The following SIDT1 variants were observed in gnomAD, a reference collection of about 807,000 sequenced individuals.
SIDT1 encodes SID1 transmembrane family member 1, also known as SID1 transmembrane family, member 1.
In SIDT1, 101 loss-of-function variants were observed where a neutral mutation model predicts 107.5. The ratio of observed to expected loss-of-function variants is 0.94; its 90% CI spans 0.80 to 1.11. The LOEUF is 1.11. SIDT1 is among the 50% of genes least tolerant of loss of function. The pLI, the probability that SIDT1 is intolerant of heterozygous loss-of-function variation, is 0.00. For synonymous variants in SIDT1, 395 were observed against 398.2 expected (o/e 0.99, Z 0.10); for missense variants, 1,076 against 1,058.2 (o/e 1.02, Z -0.23).
chr3:113,623,009 A>G (rs1946570148), intron 21 of SIDT1, among the ~76,000 whole-genome samples: 1 of 151,902 alleles, frequency 6.6e-6, no homozygotes, highest in South Asian at 2.1e-4. Context: ...GCAACATAGC[A>G]AGACCCTGCC....
chr3:113,611,193 G>A, intron 18 of SIDT1, 49 bp downstream of exon 18: 1 of 1,590,694 alleles, frequency 6.3e-7, no homozygotes. Context: ...TGCCCCCCTA[G>A]GTCCAATAAA....
At chr3:113,562,160 C>T (rs532706782) in intron 1 of SIDT1, among the ~76,000 whole-genome samples, 12 of 152,050 alleles carry the variant, frequency 7.9e-5, no homozygotes, top group Non-Finnish European at 1.6e-4. Context: ...TGAGATGCAA[C>T]TTTACACCCA....
chr3:113,606,998 C>T (rs373970717), intron 14 of SIDT1, 43 bp from the exon 15 acceptor site: 56 of 1,270,836 alleles, frequency 4.4e-5, no homozygotes, highest in Middle Eastern at 1.9e-4. Context: ...GCTCAGAGGA[C>T]GGAGGAAAAC....
intron 12 of SIDT1, 105 bp downstream of exon 12, chr3:113,603,255 A>AC: frequency 4.1e-6 from 5 of 1,220,814 alleles, no homozygotes; most frequent in Non-Finnish European, 5.7e-6. Flanking sequence ...CTTCAGGGAA[A>AC]CCCAAATTTC....
chr3:113,539,729 G>A (rs1938587167), intron 1 of SIDT1, among the ~76,000 whole-genome samples: 1 of 152,110 alleles, frequency 6.6e-6, no homozygotes, highest in Admixed American at 6.6e-5. Context: ...CTTTGAGGTT[G>A]GGTAATTTAT....
At position 113,534,086 on chromosome 3, in the gene SIDT1, A is replaced by T. The variant is rs72950829; in HGVS notation, c.222+843A>T. ...GAGAGAGAGGGAGACAGAGAGAGAAAGAGAGAAAGAGAGACAGAGACAGAG... is the reference window on the plus strand; with the variant it reads ...GAGAGAGAGGGAGACAGAGAGAGAATGAGAGAAAGAGAGACAGAGACAGAG... On this transcript the variant is annotated intron_variant, in intron 1 of 24. Transcript: ENST00000264852. 1.1e-3 allele frequency among the ~76,000 whole-genome samples: 164 copies of T among 152,246 alleles called. 2 individuals carry two copies. Among genetic ancestry groups the T allele is most frequent in the African/African-American group, 3.5e-3 (146 of 41,526 alleles).
intron 11 of SIDT1, chr3:113,602,678 T>A (rs183248653): frequency 3.0e-5 from 6 of 199,026 alleles, no homozygotes; most frequent in Non-Finnish European, 2.0e-5. Flanking sequence ...TTTGTATATA[T>A]TTATGTTCAT....
intron 10 of SIDT1, among the ~76,000 whole-genome samples, chr3:113,597,369 T>C (rs1454940246): frequency 2.6e-5 from 4 of 152,012 alleles, no homozygotes; most frequent in East Asian, 1.9e-4. Flanking sequence ...TGGTGGCATG[T>C]ACCTGTAGTC....
intron 7 of SIDT1, among the ~76,000 whole-genome samples, chr3:113,583,825 C>G (rs1943545324): frequency 6.6e-6 from 1 of 152,184 alleles, no homozygotes; most frequent in Admixed American, 6.5e-5. Context: ...ACACAGCGAT[C>G]AAAGTCCATT....
chr3:113,578,389 C>T (rs1943078085), intron 4 of SIDT1, among the ~76,000 whole-genome samples: 1 of 151,544 alleles, frequency 6.6e-6, no homozygotes, highest in Admixed American at 6.6e-5. Context: ...ATGGCGTGAA[C>T]CCGGGAGGCG....
At chr3:113,543,270 C>T (rs1939157525) in intron 1 of SIDT1, among the ~76,000 whole-genome samples, 1 of 152,056 alleles carries the variant, frequency 6.6e-6, no homozygotes, top group South Asian at 2.1e-4. Context: ...ATTCATGAGG[C>T]CAACACTGTT....
At chr3:113,551,345 C>T (rs1049342520) in intron 1 of SIDT1, among the ~76,000 whole-genome samples, 8 of 152,136 alleles carry the variant, frequency 5.3e-5, no homozygotes, top group Non-Finnish European at 1.2e-4. Flanking sequence ...TTAAATCTCC[C>T]AATCTCTTCC....
intron 1 of SIDT1, among the ~76,000 whole-genome samples, chr3:113,536,270 A>G (rs1938148239): frequency 6.6e-6 from 1 of 152,184 alleles, no homozygotes; most frequent in Non-Finnish European, 1.5e-5. Context: ...ACTCACTAAG[A>G]GGCTCTGTTA....
At chr3:113,604,999 C>A in intron 14 of SIDT1, 23 bp downstream of exon 14, 2 of 1,613,014 alleles carry the variant, frequency 1.2e-6, no homozygotes, top group Non-Finnish European at 1.7e-6. Flanking sequence ...CCAGCCCCAG[C>A]CCCAGAGTCC....
chr3:113,542,311 T>G (rs1390892338), intron 1 of SIDT1, among the ~76,000 whole-genome samples: 1 of 152,098 alleles, frequency 6.6e-6, no homozygotes, highest in Non-Finnish European at 1.5e-5. Context: ...TTTCTTAGAG[T>G]TTTTAGTATT....
At chr3:113,590,534 G>A (rs555726676) in intron 9 of SIDT1, among the ~76,000 whole-genome samples, 4 of 152,168 alleles carry the variant, frequency 2.6e-5, no homozygotes, top group South Asian at 4.2e-4. Flanking sequence ...TGATTTTTTA[G>A]GATATTCACT....
chr3:113,577,121 G>T (rs568249902), intron 4 of SIDT1, among the ~76,000 whole-genome samples, 154 bp downstream of exon 4: 1 of 152,144 alleles, frequency 6.6e-6, no homozygotes, highest in African/African-American at 2.4e-5. Context: ...TATTCCTTGT[G>T]TTACTGGAAT....
At chr3:113,605,186 G>T (rs189069538) in intron 14 of SIDT1, among the ~76,000 whole-genome samples, 1 of 133,922 alleles carries the variant, frequency 7.5e-6, no homozygotes, top group Non-Finnish European at 1.5e-5. Context: ...GCAATGGCAC[G>T]ATGTCGGCTC....
chr3:113,578,461 T>C (rs973795576), intron 4 of SIDT1, among the ~76,000 whole-genome samples: 13 of 141,882 alleles, frequency 9.2e-5, no homozygotes, highest in African/African-American at 3.5e-4. Flanking sequence ...AGCGAGACTC[T>C]GTCTCAAAAA....
Sources: allele counts gnomAD v4.1 joint callset (sites outside exome capture counted in the v4.1 genomes callset), GRCh38; gene constraint gnomAD v4.1.1; transcripts MANE v1.5; gene names NCBI Gene and HGNC (gene_info 2026-07-23, HGNC 2026-07-21).